Variants in COL6A1 observed in about 807,000 individuals in gnomAD.
The protein encoded by COL6A1 is collagen alpha-1(VI) chain.
A neutral mutation model predicts 145.6 loss-of-function variants in COL6A1; 80 were observed. The ratio of observed to expected loss-of-function variants is 0.55; its 90% confidence interval spans 0.46 to 0.66. The LOEUF is 0.66. Among genes scored for constraint, COL6A1 ranks in the 30% least tolerant of loss-of-function variants. The pLI is 0.00. For missense variants in COL6A1, 1,364 were observed against 1,473.8 expected (o/e 0.93, Z 1.22); for synonymous variants, 638 against 622.8 (o/e 1.02, Z -0.36).
chr21:45,988,938 AG>A lies in COL6A1; in HGVS notation c.805-144del, dbSNP rs1293535546. 5 of 901,332 alleles carry A rather than the reference AG, an allele frequency of 5.5e-6. No individual in the cohort carries two copies. The East Asian group carries it at 1.4e-4, about 25-fold the overall frequency. The allele number at this position is 901,332 out of a possible 1,614,324, so 55.8% of individuals were successfully genotyped here. On this transcript the variant is annotated intron_variant, in intron 8 of 34. Transcript: ENST00000361866. The stretch of plus-strand genomic sequence containing the variant: ...CGTGCGGGTTGGAGCTCCCAGACCC[AG>A]GCTGACCAGATGTGATGGGGAAGGT...
chr21:45,981,790 G>GGGCGGC lies in COL6A1; in HGVS notation c.-51_-46dup. The stretch of plus-strand genomic sequence containing the variant: ...GGAGCAGAAGGCAGCCTCGGTCTCT[G>GGGCGGC]GGCGGCGGCGGCGGCCCACTCTGCC... On this transcript the variant is annotated 5_prime_UTR_variant, in exon 1 of 35. Coordinates refer to ENST00000361866, the MANE Select transcript of COL6A1 (RefSeq NM_001848.3). The GGGCGGC allele has an allele frequency of 1.5e-6, 2 of 1,322,682 alleles. No individual in the cohort carries two copies. Among genetic ancestry groups the GGGCGGC allele is most frequent in the Non-Finnish European group, 1.0e-6 (1 of 958,108 alleles). 81.9% of individuals were successfully genotyped at this position (1,322,682 alleles called of 1,614,324 possible). A position where few individuals can be genotyped will look rare whatever the true frequency, so the allele number is the denominator to read the frequency against.
chr21:45,999,510 C>T (rs1301007053), intron 26 of COL6A1, 147 bp from the exon 27 acceptor site: 1 of 924,612 alleles, frequency 1.1e-6, no homozygotes, highest in Non-Finnish European at 1.7e-6. Context: ...ACAGCACCGT[C>T]ACTGGAGGAC....
chr21:46,002,000 A>G lies in COL6A1; in HGVS notation c.1996A>G (p.Ser666Gly). ...GTCGTACGCGGGTGTGGTGCAGTAC[A>G]GCCACAGCCAGATGCAGGAGCACGT... The part of the protein sequence containing the change: ...GQSYAGVVQY[S>G]HSQMQEHVSL... The change falls in exon 31 of 35, where the codon AGC (serine) becomes GGC (glycine). Residue 666 changes from serine to glycine, a missense_variant. By Grantham distance (56) the Ser-to-Gly change is moderately conservative. Around this residue, in one of 3 missense-constraint regions of COL6A1, gnomAD observed 938 missense variants for 1,003.8 expected, o/e 0.93. Transcript: ENST00000361866. 1 of 1,612,716 alleles carries G rather than the reference A, an allele frequency of 6.2e-7. No homozygotes were observed. The highest frequency in any genetic ancestry group is 1.1e-5 in the South Asian group (1 of 91,046).
Position 46,002,371 on chromosome 21 carries a change from G to C in COL6A1, c.2220G>C (p.Pro740=), listed in dbSNP as rs138976133. ...GRSDTQRDTT[P]LNVLCSPGIQ... ...CAGACACTCAGAGGGACACCACACC[G>C]CTCAACGTGCTCTGCAGCCCCGGCA... The change falls in exon 32 of 35, where the codon CCG becomes CCC. Residue 740 remains proline, a synonymous_variant. Transcript: ENST00000361866. The C allele has an allele frequency of 6.3e-7, 1 of 1,594,074 alleles. No individual in the cohort carries two copies. Among genetic ancestry groups the C allele is most frequent in the Non-Finnish European group, 8.5e-7 (1 of 1,170,818 alleles).
Position 45,992,826 on chromosome 21 carries a change from TG to T in COL6A1, c.1335+18del. 1 of 1,586,626 alleles carries T rather than the reference TG, an allele frequency of 6.3e-7. No individual in the cohort carries two copies. Reference sequence around the variant, plus strand: ...AGGAGACCCTGTGAGTCACAGTTCCTGGAGCTGGGAACCACCCCAGGAAGGG... The same window carrying T: ...AGGAGACCCTGTGAGTCACAGTTCCTGAGCTGGGAACCACCCCAGGAAGGG... On this transcript the variant is annotated intron_variant, in intron 19 of 34. Coordinates refer to ENST00000361866, the MANE Select transcript of COL6A1 (RefSeq NM_001848.3).
Position 45,990,949 on chromosome 21 carries a change from G to A in COL6A1, c.1057-30G>A, listed in dbSNP as rs770813538. ...GCCAGAGGCCGCGGTGGCCTCTGCC[G>A]GTGGTGTCATGCTGCCCTCTTTTCT... On this transcript the variant is annotated intron_variant, in intron 14 of 34. Coordinates refer to ENST00000361866, the MANE Select transcript of COL6A1 (RefSeq NM_001848.3). 2.9e-5 allele frequency: 46 copies of A among 1,612,866 alleles called. 1 individual carries two copies. In the South Asian group the frequency reaches 3.2e-4, roughly 11 times the overall value.
At chr21:45,984,903 GAGAGAC>G (rs575847021) in intron 3 of COL6A1, among the ~76,000 whole-genome samples, 6,895 of 151,756 alleles carry the variant, frequency 0.045, 494 homozygotes, top group African/African-American at 0.16. Flanking sequence ...GAGAGAGACA[GAGAGAC>G]AGAGACAGAG....
At chr21:45,993,151 C>G (rs2077786309) in intron 19 of COL6A1, among the ~76,000 whole-genome samples, 1 of 152,254 alleles carries the variant, frequency 6.6e-6, no homozygotes, top group South Asian at 2.1e-4. Flanking sequence ...GTCAGTACCC[C>G]AGACGGGAAG....
intron 34 of COL6A1, 117 bp downstream of exon 34, chr21:46,003,266 C>T (rs2123492155): frequency 6.2e-7 from 1 of 1,603,786 alleles, no homozygotes; most frequent in Non-Finnish European, 8.5e-7. Context: ...AGGTGCATGG[C>T]TCACTCCGGT....
In COL6A1 at chr21:45,998,391, A is replaced by G; in HGVS notation, c.1576-7A>G. ...CCCGGTATCACTGCCCTGCTTTTCCATGACAGGGGTATCCGGGCAACAGGG... is the reference window on the plus strand; with the variant it reads ...CCCGGTATCACTGCCCTGCTTTTCCGTGACAGGGGTATCCGGGCAACAGGG... On this transcript the variant is annotated splice_region_variant and splice_polypyrimidine_tract_variant and intron_variant, in intron 23 of 34. Coordinates refer to ENST00000361866, the MANE Select transcript of COL6A1 (RefSeq NM_001848.3). The G allele has an allele frequency of 1.2e-6, 2 of 1,613,054 alleles. No homozygotes were observed. The highest frequency in any genetic ancestry group is 1.1e-5 in the South Asian group (1 of 91,068).
At chr21:45,998,018 T>C in intron 22 of COL6A1, 103 bp from the exon 23 acceptor site, 1 of 1,442,634 alleles carries the variant, frequency 6.9e-7, no homozygotes, top group Non-Finnish European at 9.5e-7. Context: ...GCTTCTGGGC[T>C]GACGGAGGGG....
rs374707377 is a variant in COL6A1 at position 45,994,726 on chromosome 21, G to T, written c.1398+497G>T. Reference sequence around the variant, plus strand: ...TTCCCTTCTCCGAGCCTCTGGAATCGCTGTGCACGCCGCACGGCTTTCTGT... The same window carrying T: ...TTCCCTTCTCCGAGCCTCTGGAATCTCTGTGCACGCCGCACGGCTTTCTGT... On this transcript the variant is annotated intron_variant, in intron 20 of 34. Coordinates refer to ENST00000361866, the MANE Select transcript of COL6A1 (RefSeq NM_001848.3). This position sits in a 1 kb window ranked among gnomAD's most constrained non-coding sequence, Gnocchi z 6.8. Among the ~76,000 whole-genome samples, 35 of 152,272 alleles carry T rather than the reference G, an allele frequency of 2.3e-4. No homozygotes were observed. The highest frequency in any genetic ancestry group is 7.5e-4 in the African/African-American group (31 of 41,538).
At chr21:45,984,200 C>T (rs936891971) in intron 2 of COL6A1, 69 bp from the exon 3 acceptor site, 9 of 1,460,926 alleles carry the variant, frequency 6.2e-6, no homozygotes, top group South Asian at 1.2e-5. Flanking sequence ...GGTGACGTCG[C>T]GCCCTGGGAC....
rs765683206 is a variant in COL6A1 at position 45,989,798 on chromosome 21, G to C, written c.930+20G>C. 6 of 1,612,744 alleles carry C rather than the reference G, an allele frequency of 3.7e-6. No individual in the cohort carries two copies. In the Admixed American group the frequency reaches 1.0e-4, roughly 27 times the overall value. On this transcript the variant is annotated intron_variant, in intron 11 of 34. Coordinates refer to ENST00000361866, the MANE Select transcript of COL6A1 (RefSeq NM_001848.3). ...GAGAAGGTGAGTGAGGCTCGACCTC[G>C]GAGCTGGTCTCTCCAGGCGCAGATG...
intron 7 of COL6A1, 39 bp from the exon 8 acceptor site, chr21:45,987,570 GA>G: frequency 6.2e-7 from 1 of 1,612,738 alleles, no homozygotes; most frequent in Non-Finnish European, 8.5e-7. Context: ...CTGGGAACCT[GA>G]GTCTGGGGTC....
Position 45,987,578 on chromosome 21 carries a change from G to A in COL6A1, c.760-32G>A, listed in dbSNP as rs770911162. 4 of 1,612,482 alleles carry A rather than the reference G, an allele frequency of 2.5e-6. No homozygotes were observed. The African/African-American group carries it at 4.0e-5, about 16-fold the overall frequency. Reference sequence around the variant, plus strand: ...CTGCACCCTGGGAACCTGAGTCTGGGGTCCTGGCTGACCGTCCCCTCTGCC... The same window carrying A: ...CTGCACCCTGGGAACCTGAGTCTGGAGTCCTGGCTGACCGTCCCCTCTGCC... On this transcript the variant is annotated intron_variant, in intron 7 of 34. Coordinates refer to ENST00000361866, the MANE Select transcript of COL6A1 (RefSeq NM_001848.3).
At chr21:45,987,743 C>T in intron 8 of COL6A1, 89 bp downstream of exon 8, 27 of 1,436,580 alleles carry the variant, frequency 1.9e-5, no homozygotes, top group Non-Finnish European at 2.3e-5. Context: ...CCAAGTCCAC[C>T]ATGAGGATCC....
rs374319468 is a variant in COL6A1, at chr21:45,992,084, C to T, written c.1182+12C>T. 24 of 1,613,070 alleles carry T rather than the reference C, an allele frequency of 1.5e-5. No individual in the cohort carries two copies. Among genetic ancestry groups the T allele is most frequent in the Non-Finnish European group, 2.0e-5 (24 of 1,179,838 alleles). ...CATCTGGAGACGAGGTGAGGAGCTT[C>T]ACAGCCCCCACACATGCCAGGTATG... On this transcript the variant is annotated intron_variant, in intron 16 of 34. Transcript: ENST00000361866.
rs376061269 is a variant in COL6A1 at position 46,003,852 on chromosome 21, C to T, written c.2926C>T (p.Arg976Cys). Residue 976 changes from arginine (R) to cysteine (C), a missense_variant, in exon 35 of 35, where the codon CGC (arginine) becomes TGC (cysteine). Physicochemically the swap from Arg to Cys is radical, Grantham distance 180. Coordinates refer to ENST00000361866, the MANE Select transcript of COL6A1 (RefSeq NM_001848.3). Reference protein sequence around the residue: ...GIEIFVVVVGRQVNEPHIRVL... With the variant: ...GIEIFVVVVGCQVNEPHIRVL... ...CGAGATCTTCGTGGTGGTCGTGGGCCGCCAGGTGAATGAGCCCCACATCCG... is the reference window on the plus strand; with the variant it reads ...CGAGATCTTCGTGGTGGTCGTGGGCTGCCAGGTGAATGAGCCCCACATCCG... 2.4e-5 allele frequency: 38 copies of T among 1,600,716 alleles called. No homozygotes were observed. Among genetic ancestry groups the T allele is most frequent in the South Asian group, 1.9e-4 (17 of 90,564 alleles).
Sources: gnomAD v4.1 joint callset for allele counts (sites outside exome capture counted in the v4.1 genomes callset) on GRCh38, gnomAD v4.1.1 for gene constraint, gnomAD v4.1.1 regional missense constraint, Gnocchi (gnomAD v3.1) non-coding constraint, MANE v1.5 for transcripts, NCBI Gene and HGNC (gene_info 2026-07-23, HGNC 2026-07-21) for gene names.